HNRNPDL: variants seen among roughly 807,000 people sequenced by gnomAD.
HNRNPDL encodes heterogeneous nuclear ribonucleoprotein D-like.
In HNRNPDL, 18 loss-of-function variants were observed where a neutral mutation model predicts 48.0. The ratio of observed to expected loss-of-function variants is 0.38; its 90% CI spans 0.26 to 0.56. The LOEUF (loss-of-function observed/expected upper bound fraction) is 0.56. HNRNPDL is among the 20% of genes least tolerant of loss of function. The pLI, the probability that HNRNPDL is intolerant of heterozygous loss-of-function variation, is 0.77. For synonymous variants in HNRNPDL, 306 were observed against 207.3 expected (o/e 1.48, Z -4.09); for missense variants, 553 against 540.7 (o/e 1.02, Z -0.23).
rs1487023564 is a variant in HNRNPDL at position 82,424,447 on chromosome 4, C to A, written c.*459G>T. ...TCTCAGTTACAGGGAGAAGATGAAGCCTTAAGAGCATAAAATACACCTACA... is the reference window on the plus strand; with the variant it reads ...TCTCAGTTACAGGGAGAAGATGAAGACTTAAGAGCATAAAATACACCTACA... On this transcript the variant is annotated 3_prime_UTR_variant, in exon 8 of 8. Transcript: ENST00000295470. 5 of 152,620 alleles carry A rather than the reference C, an allele frequency of 3.3e-5. No individual in the cohort carries two copies. The highest frequency in any genetic ancestry group is 2.0e-4 in the Admixed American group (3 of 15,274). The allele number at this position is 152,620 out of a possible 1,614,324, so 9.5% of individuals were successfully genotyped here. A position where few individuals can be genotyped will look rare whatever the true frequency, so the allele number is the denominator to read the frequency against.
At chr4:82,427,995 C>A (rs201756867) in intron 3 of HNRNPDL, 23 bp downstream of exon 3, 1 of 1,602,298 alleles carries the variant, frequency 6.2e-7, no homozygotes, top group South Asian at 1.1e-5. Context: ...TCAAGCTTAA[C>A]ATGTGTAAAC....
intron 4 of HNRNPDL, 62 bp downstream of exon 4, chr4:82,427,371 T>C: frequency 1.3e-6 from 2 of 1,527,460 alleles, no homozygotes; most frequent in Non-Finnish European, 1.8e-6. Flanking sequence ...TTTATTTTTC[T>C]CCACATCAAG....
chr4:82,430,425 GC>G lies in HNRNPDL; in HGVS notation c.-736del, dbSNP rs1721689375. On this transcript the variant is annotated 5_prime_UTR_variant, in exon 1 of 8. Coordinates refer to ENST00000295470, the MANE Select transcript of HNRNPDL (RefSeq NM_031372.4). ...CGCTCAACCTGTCTGCGGAGGGCGC[GC>G]TCTCGCGCACCCTGCTCCCGCGTTC... 5.4e-6 allele frequency: 1 copy of G among 186,058 alleles called. No individual in the cohort carries two copies. The highest frequency in any genetic ancestry group is 1.1e-5 in the Non-Finnish European group (1 of 89,616). 11.5% of individuals were successfully genotyped at this position (186,058 alleles called of 1,614,324 possible).
At position 82,429,384 on chromosome 4, in the gene HNRNPDL, C is replaced by T. The variant is rs767281029; in HGVS notation, c.307G>A (p.Ala103Thr). 13 of 1,613,364 alleles carry T rather than the reference C, an allele frequency of 8.1e-6. No individual in the cohort carries two copies. The highest frequency in any genetic ancestry group is 6.7e-5 in the African/African-American group (5 of 74,880). Residue 103 changes from alanine to threonine, a missense_variant, in exon 1 of 8, where the codon GCC (alanine) becomes ACC (threonine). Ala to Thr is a moderately conservative substitution (Grantham distance 58). Coordinates refer to ENST00000295470, the MANE Select transcript of HNRNPDL (RefSeq NM_031372.4). ...TGCTGGCGCGCAGTCCGGGTCGCGGCAGCAGCGGCGGCGGAGCGTTGTATG... is the reference window on the plus strand; with the variant it reads ...TGCTGGCGCGCAGTCCGGGTCGCGGTAGCAGCGGCGGCGGAGCGTTGTATG... Reference protein sequence around the residue: ...SSIQRSAAAAAATRTARQHPP... With the variant: ...SSIQRSAAAATATRTARQHPP...
chr4:82,427,686 A>C (rs1721474876), intron 3 of HNRNPDL, 122 bp from the exon 4 acceptor site: 1 of 839,038 alleles, frequency 1.2e-6, no homozygotes, highest in Non-Finnish European at 1.9e-6. Flanking sequence ...ACTTCTATAC[A>C]GACATCACTG....
rs762712744 is a variant in HNRNPDL at position 82,428,256 on chromosome 4, C to A, written c.612+22G>T. On this transcript the variant is annotated intron_variant, in intron 2 of 7. Transcript: ENST00000295470. ...TTTGCAAAACACCACAAAAGCAGCACAATGCAAAACATAGTTCCTACCTTA... is the reference window on the plus strand; with the variant it reads ...TTTGCAAAACACCACAAAAGCAGCAAAATGCAAAACATAGTTCCTACCTTA... 8 of 1,608,676 alleles carry A rather than the reference C, an allele frequency of 5.0e-6. No homozygotes were observed. The South Asian group carries it at 8.8e-5, about 18-fold the overall frequency.
chr4:82,429,723 G>C lies in HNRNPDL; in HGVS notation c.-33C>G. On this transcript the variant is annotated 5_prime_UTR_variant, in exon 1 of 8. Transcript: ENST00000295470. The stretch of plus-strand genomic sequence containing the variant: ...CTCCCGGCAAGGAGAGAGGCCACGC[G>C]TGAGGGGACGCGGGCTTGGGAGAAG... 7.6e-7 allele frequency: 1 copy of C among 1,320,118 alleles called. No homozygotes were observed. Among genetic ancestry groups the C allele is most frequent in the Non-Finnish European group, 9.7e-7 (1 of 1,033,098 alleles). 81.8% of individuals were successfully genotyped at this position (1,320,118 alleles called of 1,614,324 possible). A position where few individuals can be genotyped will look rare whatever the true frequency, so the allele number is the denominator to read the frequency against.
chr4:82,427,959 C>T, intron 3 of HNRNPDL, 59 bp downstream of exon 3: 1 of 1,523,620 alleles, frequency 6.6e-7, no homozygotes, highest in Non-Finnish European at 9.0e-7. Flanking sequence ...ATAAATCGGA[C>T]AAGGATTGAA....
Position 82,427,235 on chromosome 4 carries a change from C to T in HNRNPDL, c.976G>A (p.Gly326Ser), listed in dbSNP as rs1287855463. 4 of 1,613,952 alleles carry T rather than the reference C, an allele frequency of 2.5e-6. No homozygotes were observed. The highest frequency in any genetic ancestry group is 3.3e-5 in the Admixed American group (2 of 59,986). ...CCACCTCGTCCACCAGCTGCAGCACCTCTTCCACCTTTTTGTTGTTGCTGT... is the reference window on the plus strand; with the variant it reads ...CCACCTCGTCCACCAGCTGCAGCACTTCTTCCACCTTTTTGTTGTTGCTGT... Reference protein sequence around the residue: ...QQQQQQKGGRGAAAGGRGGTR... With the variant: ...QQQQQQKGGRSAAAGGRGGTR... Residue 326 changes from glycine to serine, a missense_variant, in exon 5 of 8, where the codon GGT becomes AGT. Coordinates refer to ENST00000295470, the MANE Select transcript of HNRNPDL (RefSeq NM_031372.4).
chr4:82,428,359 G>A lies in HNRNPDL; in HGVS notation c.531C>T (p.Cys177=). ...YLSRFGEVVD[C]TIKTDPVTGR... is the part of the protein sequence containing the mutation. ...CAGTGACTGGATCTGTTTTAATTGT[G>A]CAGTCTACAACTTCCCCAAATCGAG... Residue 177 remains cysteine (C), a synonymous_variant, in exon 2 of 8, where the codon TGC becomes TGT. Coordinates refer to ENST00000295470, the MANE Select transcript of HNRNPDL (RefSeq NM_031372.4). 2.5e-6 allele frequency: 4 copies of A among 1,613,954 alleles called. No homozygotes were observed. Among genetic ancestry groups the A allele is most frequent in the East Asian group, 4.5e-5 (2 of 44,862 alleles).
At position 82,423,390 on chromosome 4, in the gene HNRNPDL, A is replaced by G. The variant is rs969750955; in HGVS notation, c.*1516T>C. ...TAAAGTTGCATGTTGAATGAACAGA[A>G]TCCCTTCTAACAGCCAACATTGGTA... On this transcript the variant is annotated 3_prime_UTR_variant, in exon 8 of 8. Transcript: ENST00000295470. 7.9e-5 allele frequency: 12 copies of G among 152,218 alleles called. No individual in the cohort carries two copies. Among genetic ancestry groups the G allele is most frequent in the African/African-American group, 2.7e-4 (11 of 41,452 alleles). 9.4% of individuals were successfully genotyped at this position (152,218 alleles called of 1,614,324 possible).
chr4:82,426,599 G>A lies in HNRNPDL; in HGVS notation c.1056C>T (p.Asn352=). 1 of 1,613,762 alleles carries A rather than the reference G, an allele frequency of 6.2e-7. No individual in the cohort carries two copies. Among genetic ancestry groups the A allele is most frequent in the African/African-American group, 1.3e-5 (1 of 74,990 alleles). The change falls in exon 6 of 8, where the codon AAC becomes AAT. Residue 352 remains asparagine (N), a synonymous_variant. Coordinates refer to ENST00000295470, the MANE Select transcript of HNRNPDL (RefSeq NM_031372.4). ...AATTTCCATATCCTTGATCATAATA[G>A]TTATTAAATCCTTGGTTCCAGTTTT... ...QGQNWNQGFN[N]YYDQGYGNYN...
chr4:82,427,168 T>C, intron 5 of HNRNPDL, 22 bp downstream of exon 5: 1 of 1,444,678 alleles, frequency 6.9e-7, no homozygotes, highest in Non-Finnish European at 9.8e-7. Context: ...CACGGAGTCA[T>C]ATTTCAAGAA....
rs1009203655 is a variant in HNRNPDL at position 82,429,962 on chromosome 4, G to C, written c.-272C>G. ...CTGCGGCGGCCGCTGCTACCGACTA[G>C]CACCGCGGCCAGTCTGCTCCGGAAA... On this transcript the variant is annotated 5_prime_UTR_variant, in exon 1 of 8. Transcript: ENST00000295470. The C allele has an allele frequency of 1.8e-5, 5 of 283,768 alleles. No homozygotes were observed. Among genetic ancestry groups the C allele is most frequent in the Non-Finnish European group, 3.3e-5 (5 of 153,568 alleles). The allele number at this position is 283,768 out of a possible 1,614,324, so 17.6% of individuals were successfully genotyped here.
At chr4:82,425,934 G>A in intron 7 of HNRNPDL, 103 bp downstream of exon 7, 5 of 751,220 alleles carry the variant, frequency 6.7e-6, no homozygotes, top group Non-Finnish European at 1.1e-5. Context: ...CAACAATTTA[G>A]TAAAAACAGG....
In HNRNPDL at chr4:82,429,536, T is replaced by C. The variant is rs763638263; in HGVS notation, c.155A>G (p.Gln52Arg). Residue 52 changes from glutamine (Q) to arginine (R), a missense_variant, in exon 1 of 8, where the codon CAG (glutamine) becomes CGG (arginine). Coordinates refer to ENST00000295470, the MANE Select transcript of HNRNPDL (RefSeq NM_031372.4). ...GTGGCGCTGGGCCCGGCGCGCCCCC[T>C]GCCGGGCGGAGCTGGGAGCGAGCGA... is the stretch of plus-strand genomic sequence containing the variant. ...LPSLAPSSAR[Q>R]GARRAQRHVT... 3.4e-6 allele frequency: 5 copies of C among 1,480,190 alleles called. No individual in the cohort carries two copies. The highest frequency in any genetic ancestry group is 1.3e-5 in the South Asian group (1 of 75,296). 91.7% of individuals were successfully genotyped at this position (1,480,190 alleles called of 1,614,324 possible).
chr4:82,428,552 T>C, intron 1 of HNRNPDL, 106 bp from the exon 2 acceptor site: 2 of 839,746 alleles, frequency 2.4e-6, no homozygotes, highest in Non-Finnish European at 3.6e-6. Context: ...CCCCTAAGTG[T>C]AGGCAATTTA....
At position 82,429,598 on chromosome 4, in the gene HNRNPDL, C is replaced by T; in HGVS notation, c.93G>A (p.Arg31=). The T allele has an allele frequency of 2.2e-6, 3 of 1,379,610 alleles. No homozygotes were observed. The highest frequency in any genetic ancestry group is 2.6e-4 in the Middle Eastern group (1 of 3,818). The allele number at this position is 1,379,610 out of a possible 1,614,324, so 85.5% of individuals were successfully genotyped here. The change falls in exon 1 of 8, where the codon CGG becomes CGA. Residue 31 remains arginine (R), a synonymous_variant. Coordinates refer to ENST00000295470, the MANE Select transcript of HNRNPDL (RefSeq NM_031372.4). ...GGGCTAGCTGCCGCGGCGGCCGCGGCCGCCAATGGGAGAGGCTGCGGGAGG... is the reference window on the plus strand; with the variant it reads ...GGGCTAGCTGCCGCGGCGGCCGCGGTCGCCAATGGGAGAGGCTGCGGGAGG... The part of the protein sequence containing the change: ...TLASRSLSHW[R]PRPPRQLAPL...
rs1004630271 is a variant in HNRNPDL at position 82,424,720 on chromosome 4, C to A, written c.*186G>T. 1 of 152,502 alleles carries A rather than the reference C, an allele frequency of 6.6e-6. No homozygotes were observed. The highest frequency in any genetic ancestry group is 1.5e-5 in the Non-Finnish European group (1 of 68,030). The allele number at this position is 152,502 out of a possible 1,614,324, so 9.4% of individuals were successfully genotyped here. On this transcript the variant is annotated 3_prime_UTR_variant, in exon 8 of 8. Transcript: ENST00000295470. ...CCACATTGAGTCATAACACAGATAG[C>A]AAAGGACAAAGTAAAAACAAAGAAA...
Sources: gnomAD v4.1 joint callset for allele counts on GRCh38, gnomAD v4.1.1 for gene constraint, MANE v1.5 for transcripts, NCBI Gene and HGNC (gene_info 2026-07-23, HGNC 2026-07-21) for gene names.